The following KCND2 variants were observed in gnomAD, a reference collection of about 807,000 sequenced individuals.
KCND2 encodes potassium voltage-gated channel subfamily D member 2.
KCND2 carries 16 observed loss-of-function variants against 54.4 expected under a neutral mutation model. That is an observed-to-expected ratio of 0.29 (90% CI 0.20 to 0.45). The LOEUF (loss-of-function observed/expected upper bound fraction) is 0.45, where lower values mean the gene tolerates loss of function less well. Among genes scored for constraint, KCND2 ranks in the 20% least tolerant of loss-of-function variants. The probability of loss-of-function intolerance (pLI) is 1.00; values close to 1 mark genes in which losing one functional copy is unlikely to be tolerated. For synonymous variants in KCND2, 317 were observed against 310.7 expected (o/e 1.02, Z -0.21); for missense variants, 486 against 824.2 (o/e 0.59, Z 5.02).
chr7:120,381,007 T>C (rs1584754807), intron 1 of KCND2, among the ~76,000 whole-genome samples: 1 of 152,078 alleles, frequency 6.6e-6, no homozygotes. Context: ...CTGGGGTTGG[T>C]GGCTCACACC....
intron 1 of KCND2, among the ~76,000 whole-genome samples, chr7:120,545,063 C>G (rs1209407538): frequency 6.6e-6 from 1 of 151,904 alleles, no homozygotes; most frequent in African/African-American, 2.4e-5. Flanking sequence ...CCTTCACTCT[C>G]TTCTTCTCTT....
chr7:120,311,031 G>A (rs1486973344), intron 1 of KCND2, among the ~76,000 whole-genome samples: 1 of 151,640 alleles, frequency 6.6e-6, no homozygotes, highest in Non-Finnish European at 1.5e-5. Flanking sequence ...GTATATACAT[G>A]TATATGTGTG....
chr7:120,277,537 G>A (rs893129034), intron 1 of KCND2, among the ~76,000 whole-genome samples: 3 of 151,948 alleles, frequency 2.0e-5, no homozygotes, highest in South Asian at 2.1e-4. Flanking sequence ...ATATGGCTGT[G>A]TTTCTTGAGG....
At chr7:120,475,265 C>T (rs1048721840) in intron 1 of KCND2, among the ~76,000 whole-genome samples, 1 of 152,144 alleles carries the variant, frequency 6.6e-6, no homozygotes, top group African/African-American at 2.4e-5. Context: ...TAAGCACATA[C>T]AGATACATTC....
In KCND2 at chr7:120,338,031, A is replaced by G. The variant is rs541204496; in HGVS notation, c.1115+62284A>G. On this transcript the variant is annotated intron_variant, in intron 1 of 5. Transcript: ENST00000331113. Reference sequence around the variant, plus strand: ...TCCATTAAATATAACATCTTTACACAGGAGAGCTCTGATATGAAGATCTTT... The same window carrying G: ...TCCATTAAATATAACATCTTTACACGGGAGAGCTCTGATATGAAGATCTTT... 3.9e-5 allele frequency among the ~76,000 whole-genome samples: 6 copies of G among 152,298 alleles called. No individual in the cohort carries two copies. In the South Asian group the frequency reaches 1.2e-3, roughly 32 times the overall value.
intron 1 of KCND2, among the ~76,000 whole-genome samples, chr7:120,386,604 A>G (rs556463449): frequency 1.3e-5 from 2 of 152,298 alleles, no homozygotes; most frequent in South Asian, 2.1e-4. Flanking sequence ...TTTTATATTT[A>G]GAAAACCAGA....
intron 2 of KCND2, among the ~76,000 whole-genome samples, chr7:120,737,795 G>T (rs1415256739): frequency 6.6e-6 from 1 of 152,010 alleles, no homozygotes; most frequent in Non-Finnish European, 1.5e-5. Flanking sequence ...GAGTGTGGAG[G>T]CAGGCATTTG....
At chr7:120,558,276 A>G (rs985540694) in intron 1 of KCND2, among the ~76,000 whole-genome samples, 3 of 152,192 alleles carry the variant, frequency 2.0e-5, no homozygotes, top group African/African-American at 7.2e-5. Context: ...TGCAAGGGCA[A>G]GAATATAAAT....
chr7:120,704,082 A>G (rs976665250), intron 1 of KCND2, among the ~76,000 whole-genome samples: 1 of 152,200 alleles, frequency 6.6e-6, no homozygotes, highest in Non-Finnish European at 1.5e-5. Flanking sequence ...ATCTCACATA[A>G]TAATGACTAT....
At chr7:120,351,244 G>GTGTGTATA (rs376321316) in intron 1 of KCND2, among the ~76,000 whole-genome samples, 6 of 137,350 alleles carry the variant, frequency 4.4e-5, no homozygotes, top group East Asian at 2.1e-4. Flanking sequence ...TTATATGTGT[G>GTGTGTATA]TATATATATA....
In KCND2 at chr7:120,274,760, T is replaced by C; in HGVS notation, c.128T>C (p.Ile43Thr). The change falls in exon 1 of 6, where the codon ATT (isoleucine) becomes ACT (threonine). Residue 43 changes from isoleucine (I) to threonine (T), a missense_variant. This residue lies in a region of KCND2 where 231 missense variants were observed against 386.0 expected (regional missense o/e 0.60). Coordinates refer to ENST00000331113, the MANE Select transcript of KCND2 (RefSeq NM_012281.3). ...QERKRTQDAL[I>T]VLNVSGTRFQ... The stretch of plus-strand genomic sequence containing the variant: ...AGGAAAAGGACCCAAGATGCTCTCA[T>C]TGTGCTGAATGTGAGTGGCACCCGC... 1.2e-6 allele frequency: 2 copies of C among 1,614,126 alleles called. No homozygotes were observed. The highest frequency in any genetic ancestry group is 1.7e-6 in the Non-Finnish European group (2 of 1,180,012).
chr7:120,728,301 A>ATTT (rs1562921811), intron 1 of KCND2, among the ~76,000 whole-genome samples: 12 of 144,322 alleles, frequency 8.3e-5, no homozygotes, highest in South Asian at 2.2e-4. Flanking sequence ...TTTTTTTTTA[A>ATTT]AAATTTTGAG....
At chr7:120,276,740 A>G (rs1279819771) in intron 1 of KCND2, among the ~76,000 whole-genome samples, 2 of 152,158 alleles carry the variant, frequency 1.3e-5, no homozygotes, top group Non-Finnish European at 2.9e-5. Flanking sequence ...GAGAAAAGGA[A>G]AGGAGGCAAA....
intron 1 of KCND2, among the ~76,000 whole-genome samples, chr7:120,611,592 T>C (rs1331628873): frequency 2.0e-5 from 3 of 152,114 alleles, no homozygotes; most frequent in Admixed American, 6.6e-5. Context: ...AAAACCCTGA[T>C]TGAATTGGTG....
chr7:120,633,313 C>A (rs1316851617), intron 1 of KCND2, among the ~76,000 whole-genome samples: 1 of 152,076 alleles, frequency 6.6e-6, no homozygotes, highest in Non-Finnish European at 1.5e-5. Flanking sequence ...GAGATTAGTT[C>A]ATTTTGAGAA....
At chr7:120,501,706 G>A (rs1802937410) in intron 1 of KCND2, among the ~76,000 whole-genome samples, 1 of 152,044 alleles carries the variant, frequency 6.6e-6, no homozygotes, top group African/African-American at 2.4e-5. Context: ...ACACACAAAC[G>A]TAAGAAACTC....
At position 120,536,851 on chromosome 7, in the gene KCND2, T is replaced by G. The variant is rs73721416; in HGVS notation, c.1116-196052T>G. On this transcript the variant is annotated intron_variant, in intron 1 of 5. Transcript: ENST00000331113. ...ATGAGGGATGTAATAAACTTCTTTC[T>G]TTTTAATTATTTTTGTCAGATCTGA... Among the ~76,000 whole-genome samples, 610 of 152,328 alleles carry G rather than the reference T, an allele frequency of 4.0e-3. 4 individuals are homozygous for G. Among genetic ancestry groups the G allele is most frequent in the African/African-American group, 0.014 (575 of 41,582 alleles).
At chr7:120,605,149 C>G (rs984140421) in intron 1 of KCND2, among the ~76,000 whole-genome samples, 5 of 152,298 alleles carry the variant, frequency 3.3e-5, no homozygotes, top group African/African-American at 1.2e-4. Flanking sequence ...GTTGCACAAC[C>G]ATGACCACTG....
At chr7:120,347,053 T>C (rs147592782) in intron 1 of KCND2, among the ~76,000 whole-genome samples, 1 of 152,114 alleles carries the variant, frequency 6.6e-6, no homozygotes, top group South Asian at 2.1e-4. Context: ...TTTTTTTTTG[T>C]TCGAAGCTGT....
Sources: gnomAD v4.1 joint callset for allele counts (sites outside exome capture counted in the v4.1 genomes callset) on GRCh38, gnomAD v4.1.1 for gene constraint, gnomAD v4.1.1 regional missense constraint, MANE v1.5 for transcripts, NCBI Gene and HGNC (gene_info 2026-07-23, HGNC 2026-07-21) for gene names.